ZNF431: variants seen among roughly 807,000 people sequenced by gnomAD.
ZNF431 encodes zinc finger protein 431.
In ZNF431, 34 loss-of-function variants were observed where a neutral mutation model predicts 57.0. The observed-to-expected ratio is 0.60, with a 90% CI of 0.45 to 0.79. The LOEUF is 0.79. Among genes scored for constraint, ZNF431 ranks in the 30% least tolerant of loss-of-function variants. The pLI, the probability that ZNF431 is intolerant of heterozygous loss-of-function variation, is 0.00. For synonymous variants in ZNF431, 207 were observed against 220.3 expected (o/e 0.94, Z 0.54); for missense variants, 607 against 667.1 (o/e 0.91, Z 0.99).
At chr19:21,144,881 TG>T (rs1359444103) in intron 2 of ZNF431, among the ~76,000 whole-genome samples, 1 of 152,234 alleles carries the variant, frequency 6.6e-6, no homozygotes, top group Non-Finnish European at 1.5e-5. Context: ...CCTGTTATCT[TG>T]ATTTCTGAGT....
chr19:21,174,544 A>G (rs1296756519), intron 4 of ZNF431, among the ~76,000 whole-genome samples: 1 of 152,184 alleles, frequency 6.6e-6, no homozygotes, highest in Non-Finnish European at 1.5e-5. Context: ...ATGCTGTTAT[A>G]TACAAGCATA....
At chr19:21,143,067 G>C (rs973810961) in intron 1 of ZNF431, among the ~76,000 whole-genome samples, 3 of 152,052 alleles carry the variant, frequency 2.0e-5, no homozygotes, top group Non-Finnish European at 4.4e-5. Flanking sequence ...CCTCCCTCTG[G>C]CTTGCAGTAA....
Position 21,143,556 on chromosome 19 carries a change from C to G in ZNF431, c.9C>G (p.Asp3Glu), listed in dbSNP as rs554527953. MD[D>E]LKYGVYPLKE... is the part of the protein sequence containing the mutation. ...TGGTTTATTTTCTTCCATAGGACGA[C>G]TTGAAATATGGAGTGTATCCTCTCA... Residue 3 changes from aspartate (D) to glutamate (E), a missense_variant, in exon 2 of 5, where the codon GAC becomes GAG. Transcript: ENST00000311048. 1.2e-6 allele frequency: 2 copies of G among 1,613,334 alleles called. No homozygotes were observed. Among genetic ancestry groups the G allele is most frequent in the East Asian group, 2.2e-5 (1 of 44,874 alleles).
rs1025720184 is a variant in ZNF431 at position 21,149,572 on chromosome 19, ATTTC to A, written c.96+5937_96+5940del. 86 of 113,482 alleles carry A rather than the reference ATTTC, an allele frequency of 7.6e-4. 3 individuals carry two copies. The highest frequency in any genetic ancestry group is 7.0e-3 in the Admixed American group (64 of 9,112). The allele number at this position is 113,482 out of a possible 1,614,324, so 7.0% of individuals were successfully genotyped here. A position where few individuals can be genotyped will look rare whatever the true frequency, so the allele number is the denominator to read the frequency against. On this transcript the variant is annotated intron_variant, in intron 2 of 4. Transcript: ENST00000311048. ...GTAGTTGTAAGGTTTTTCTTTGTCA[ATTTC>A]TTTCTTTTTTTTGAAGGAAAGTTTG... is the stretch of plus-strand genomic sequence containing the variant.
chr19:21,172,350 C>G (rs959181251), intron 4 of ZNF431, among the ~76,000 whole-genome samples: 5 of 150,676 alleles, frequency 3.3e-5, no homozygotes, highest in African/African-American at 1.2e-4. Context: ...GTCACTTAAA[C>G]CCAGGAGACA....
intron 1 of ZNF431, among the ~76,000 whole-genome samples, 153 bp downstream of exon 1, chr19:21,142,339 C>G (rs183162673): frequency 6.6e-6 from 1 of 152,214 alleles, no homozygotes; most frequent in African/African-American, 2.4e-5. Context: ...TCCCCTCCAG[C>G]CATAAGATGG....
intron 4 of ZNF431, among the ~76,000 whole-genome samples, chr19:21,180,504 TTCTG>T (rs1285283661): frequency 2.6e-5 from 4 of 152,202 alleles, no homozygotes; most frequent in Non-Finnish European, 4.4e-5. Flanking sequence ...TTTTCTCTTT[TTCTG>T]TCTTTGTGTC....
At chr19:21,174,361 A>G (rs1970991209) in intron 4 of ZNF431, among the ~76,000 whole-genome samples, 1 of 151,978 alleles carries the variant, frequency 6.6e-6, no homozygotes, top group Non-Finnish European at 1.5e-5. Context: ...GTTGCTATGT[A>G]TTTCTTCCTT....
chr19:21,146,487 A>G (rs1281333621), intron 2 of ZNF431, among the ~76,000 whole-genome samples: 5 of 152,100 alleles, frequency 3.3e-5, no homozygotes, highest in Non-Finnish European at 4.4e-5. Flanking sequence ...GAGCAGCCCA[A>G]GGGTTGCTGT....
intron 4 of ZNF431, among the ~76,000 whole-genome samples, chr19:21,179,918 A>G (rs1358325473): frequency 6.6e-6 from 1 of 152,052 alleles, no homozygotes; most frequent in Non-Finnish European, 1.5e-5. Context: ...ATTTAGTTGT[A>G]TTATTTACCC....
chr19:21,169,850 T>G (rs1465930306), intron 4 of ZNF431: 2 of 398,472 alleles, frequency 5.0e-6, no homozygotes, highest in Non-Finnish European at 8.8e-6. Flanking sequence ...ACTGAGTCAA[T>G]AAACTGCTTC....
rs1256815884 is a variant in ZNF431 at position 21,192,835 on chromosome 19, A to G, written c.*8801A>G. On this transcript the variant is annotated 3_prime_UTR_variant, in exon 5 of 5. Transcript: ENST00000311048. The stretch of plus-strand genomic sequence containing the variant: ...TCTGTCAAACTTCTATTGTGCATCC[A>G]TTTTTTTCTCTTTGCACTCTGCATA... The G allele has an allele frequency of 6.6e-6, 1 of 152,072 alleles. No individual in the cohort carries two copies. The highest frequency in any genetic ancestry group is 1.5e-5 in the Non-Finnish European group (1 of 68,016). The allele number at this position is 152,072 out of a possible 1,614,324, so 9.4% of individuals were successfully genotyped here. A position where few individuals can be genotyped will look rare whatever the true frequency, so the allele number is the denominator to read the frequency against.
At chr19:21,148,194 A>G (rs1042527851) in intron 2 of ZNF431, among the ~76,000 whole-genome samples, 1 of 151,974 alleles carries the variant, frequency 6.6e-6, no homozygotes, top group African/African-American at 2.4e-5. Flanking sequence ...ACTGGTTTTC[A>G]TCATGTTGGC....
rs1271521568 is a variant in ZNF431 at position 21,188,787 on chromosome 19, A to T, written c.*4753A>T. 1 of 152,158 alleles carries T rather than the reference A, an allele frequency of 6.6e-6. No individual in the cohort carries two copies. The highest frequency in any genetic ancestry group is 1.5e-5 in the Non-Finnish European group (1 of 68,030). The allele number at this position is 152,158 out of a possible 1,614,324, so 9.4% of individuals were successfully genotyped here. A position where few individuals can be genotyped will look rare whatever the true frequency, so the allele number is the denominator to read the frequency against. The stretch of plus-strand genomic sequence containing the variant: ...GCATGCAAACTAGTTTACTGTGTTC[A>T]CAGAGTGGCCAGTCATGGGACCATA... On this transcript the variant is annotated 3_prime_UTR_variant, in exon 5 of 5. Coordinates refer to ENST00000311048, the MANE Select transcript of ZNF431 (RefSeq NM_133473.4).
chr19:21,175,446 G>T (rs1423158321), intron 4 of ZNF431: 1 of 695,804 alleles, frequency 1.4e-6, no homozygotes. Flanking sequence ...TTAATTTTAT[G>T]TTCCAGGATA....
At chr19:21,164,094 A>AT (rs1219074927) in intron 2 of ZNF431, among the ~76,000 whole-genome samples, 1 of 150,992 alleles carries the variant, frequency 6.6e-6, no homozygotes, top group African/African-American at 2.4e-5. Flanking sequence ...AAAAAAAAAA[A>AT]ATTGCAGAAA....
intron 2 of ZNF431, among the ~76,000 whole-genome samples, chr19:21,163,254 C>A (rs569038296): frequency 4.6e-5 from 7 of 152,146 alleles, no homozygotes; most frequent in Admixed American, 4.6e-4. Context: ...CTTTCTGTTT[C>A]CTCTGTAAAC....
At position 21,192,092 on chromosome 19, in the gene ZNF431, G is replaced by A. The variant is rs1971521504; in HGVS notation, c.*8058G>A. 6.6e-6 allele frequency: 1 copy of A among 151,942 alleles called. No individual in the cohort carries two copies. The highest frequency in any genetic ancestry group is 2.4e-5 in the African/African-American group (1 of 41,342). The allele number at this position is 151,942 out of a possible 1,614,324, so 9.4% of individuals were successfully genotyped here. A position where few individuals can be genotyped will look rare whatever the true frequency, so the allele number is the denominator to read the frequency against. On this transcript the variant is annotated 3_prime_UTR_variant, in exon 5 of 5. Coordinates refer to ENST00000311048, the MANE Select transcript of ZNF431 (RefSeq NM_133473.4). ...GTAATTGTTTTTGAATTTCATTTTG[G>A]GATAGTTATTAATGTAGAGAAATGC...
At chr19:21,174,975 T>A (rs1320453559) in intron 4 of ZNF431, among the ~76,000 whole-genome samples, 2 of 152,162 alleles carry the variant, frequency 1.3e-5, no homozygotes, top group African/African-American at 4.8e-5. Context: ...TTGGTCAGGC[T>A]GGTCCCAATC....
Sources: gnomAD v4.1 joint callset for allele counts (sites outside exome capture counted in the v4.1 genomes callset) on GRCh38, gnomAD v4.1.1 for gene constraint, MANE v1.5 for transcripts, NCBI Gene and HGNC (gene_info 2026-07-23, HGNC 2026-07-21) for gene names.